SVIL: variants seen among roughly 807,000 people sequenced by gnomAD.
SVIL encodes archvillin.
SVIL carries 101 observed loss-of-function variants against 240.4 expected under a neutral mutation model. The observed-to-expected ratio is 0.42, with a 90% CI of 0.36 to 0.50. The LOEUF is 0.50. Ranked by LOEUF, SVIL falls within the 20% of genes least tolerant of loss-of-function variation. The pLI, the probability that SVIL is intolerant of heterozygous loss-of-function variation, is 0.01. For synonymous variants in SVIL, 999 were observed against 1,100.0 expected, an observed-to-expected ratio of 0.91 and a Z score of 1.82; for missense variants, 2,512 against 2,818.7, an observed-to-expected ratio of 0.89 and a Z score of 2.46.
chr10:29,467,711 A>C, intron 33 of SVIL, 31 bp downstream of exon 33: 1 of 1,612,704 alleles, frequency 6.2e-7, no homozygotes, highest in Non-Finnish European at 8.5e-7. Context: ...AAACAAAAAA[A>C]CCAGATCGCA....
intron 1 of SVIL, among the ~76,000 whole-genome samples, chr10:29,628,877 G>A (rs1003752059): frequency 2.6e-5 from 4 of 152,116 alleles, no homozygotes; most frequent in African/African-American, 2.4e-5. Context: ...AAATAAGGCC[G>A]CCAGGAGACC....
rs183299425 is a variant in SVIL at position 29,605,943 on chromosome 10, C to G, written c.-201+28477G>C. 4.6e-5 allele frequency among the ~76,000 whole-genome samples: 7 copies of G among 152,144 alleles called. No homozygotes were observed. The South Asian group carries it at 6.2e-4, about 14-fold the overall frequency. The stretch of plus-strand genomic sequence containing the variant: ...TTATTTATTTTGAGATGGAGTCTTG[C>G]TCTGTCGCCCAGGCTGGAGTGCAGT... On this transcript the variant is annotated intron_variant, in intron 1 of 37. Transcript: ENST00000355867.
At chr10:29,522,362 TA>T in intron 16 of SVIL, 47 bp downstream of exon 16, 1 of 1,594,228 alleles carries the variant, frequency 6.3e-7, no homozygotes, top group African/African-American at 1.3e-5. Flanking sequence ...AAGCAAGCTG[TA>T]AGCTCCTCCC....
chr10:29,636,676 C>T (rs547133134), upstream of SVIL, among the ~76,000 whole-genome samples: 1 of 152,352 alleles, frequency 6.6e-6, no homozygotes, highest in African/African-American at 2.4e-5. Flanking sequence ...ATACTCACTT[C>T]TTTCCAATGA....
chr10:29,467,988 C>T (rs1283753522), intron 32 of SVIL, 113 bp from the exon 33 acceptor site: 1 of 1,190,598 alleles, frequency 8.4e-7, no homozygotes, highest in Non-Finnish European at 1.2e-6. Flanking sequence ...AGATATAATT[C>T]ACATGTCATA....
At chr10:29,629,083 T>C (rs973998495) in intron 1 of SVIL, among the ~76,000 whole-genome samples, 2 of 151,714 alleles carry the variant, frequency 1.3e-5, no homozygotes, top group African/African-American at 4.8e-5. Context: ...GAGGAGTGAG[T>C]GGGCAGGAAA....
At chr10:29,507,171 C>G (rs1247268915) in intron 17 of SVIL, among the ~76,000 whole-genome samples, 1 of 152,042 alleles carries the variant, frequency 6.6e-6, no homozygotes, top group Non-Finnish European at 1.5e-5. Context: ...AATAGGGTCA[C>G]TGGAGGGGCC....
At chr10:29,505,872 G>A (rs551837619) in intron 17 of SVIL, among the ~76,000 whole-genome samples, 9 of 152,134 alleles carry the variant, frequency 5.9e-5, no homozygotes, top group East Asian at 1.9e-4. Flanking sequence ...GTCCCTCAGC[G>A]TCTATGGGGG....
chr10:29,654,905 A>G (rs1376129520), intron 3 of SVIL, among the ~76,000 whole-genome samples: 1 of 151,900 alleles, frequency 6.6e-6, no homozygotes, highest in African/African-American at 2.4e-5. Flanking sequence ...TCCAGCAAAG[A>G]CCTTTCCCCT....
chr10:29,596,915 T>C (rs527256183), intron 1 of SVIL, among the ~76,000 whole-genome samples: 2 of 152,332 alleles, frequency 1.3e-5, no homozygotes, highest in East Asian at 1.9e-4. Context: ...GTTAAGTGTA[T>C]GCTGTCTCCA....
chr10:29,465,011 C>A (rs953676232), intron 34 of SVIL, among the ~76,000 whole-genome samples: 2 of 152,224 alleles, frequency 1.3e-5, no homozygotes, highest in African/African-American at 4.8e-5. Flanking sequence ...CCCTGGCTAA[C>A]TTAGCCAATA....
At chr10:29,474,018 GT>G (rs1945886254) in intron 29 of SVIL, 29 bp from the exon 30 acceptor site, 2 of 1,606,506 alleles carry the variant, frequency 1.2e-6, no homozygotes, top group Non-Finnish European at 1.7e-6. Flanking sequence ...AGAGGGACAG[GT>G]CAGCAGCTGA....
At chr10:29,600,792 C>T (rs552337035) in intron 1 of SVIL, among the ~76,000 whole-genome samples, 3 of 152,088 alleles carry the variant, frequency 2.0e-5, no homozygotes, top group Non-Finnish European at 4.4e-5. Flanking sequence ...GGAGAAGGAC[C>T]GAAAGACTGT....
At position 29,527,072 on chromosome 10, in the gene SVIL, C is replaced by A. The variant is rs746830394; in HGVS notation, c.2247-16G>T. On this transcript the variant is annotated splice_polypyrimidine_tract_variant and intron_variant, in intron 12 of 37. Coordinates refer to ENST00000355867, the MANE Select transcript of SVIL (RefSeq NM_021738.3). The stretch of plus-strand genomic sequence containing the variant: ...GATAGGTTCACTTTAAAAGCAATTG[C>A]CAAAGAGGAAACATTCATAAGGAGA... 6.2e-7 allele frequency: 1 copy of A among 1,605,116 alleles called. No individual in the cohort carries two copies. Among genetic ancestry groups the A allele is most frequent in the South Asian group, 1.1e-5 (1 of 90,544 alleles).
At chr10:29,506,863 AG>A (rs1051041420) in intron 17 of SVIL, among the ~76,000 whole-genome samples, 2 of 151,786 alleles carry the variant, frequency 1.3e-5, no homozygotes, top group African/African-American at 4.9e-5. Flanking sequence ...AGGCCCTAGG[AG>A]GGAAGTGATG....
At chr10:29,687,834 C>T (rs979514237) in intron 1 of SVIL, among the ~76,000 whole-genome samples, 4 of 152,192 alleles carry the variant, frequency 2.6e-5, no homozygotes, top group African/African-American at 9.7e-5. Flanking sequence ...TGTTTTTCCC[C>T]TGGATTATGC....
intron 3 of SVIL, among the ~76,000 whole-genome samples, chr10:29,655,913 C>G (rs1452345509): frequency 7.1e-6 from 1 of 141,800 alleles, no homozygotes; most frequent in Admixed American, 7.3e-5. Context: ...GAGTTTTGCT[C>G]TGTCACTGGA....
chr10:29,543,466 A>G (rs1207382526), intron 6 of SVIL, among the ~76,000 whole-genome samples: 2 of 152,220 alleles, frequency 1.3e-5, no homozygotes, highest in African/African-American at 4.8e-5. Context: ...CTTGCTGTCA[A>G]CTAAAACCCT....
Position 29,458,071 on chromosome 10 carries a change from G to T in SVIL, c.*176C>A. ...AAAGAAGTTTCCAAACAGTTCCCTT[G>T]AACATTTACAAAATACACAACTCCG... On this transcript the variant is annotated 3_prime_UTR_variant, in exon 38 of 38. Coordinates refer to ENST00000355867, the MANE Select transcript of SVIL (RefSeq NM_021738.3). 1 of 634,538 alleles carries T rather than the reference G, an allele frequency of 1.6e-6. No homozygotes were observed. The highest frequency in any genetic ancestry group is 2.6e-6 in the Non-Finnish European group (1 of 378,356). The allele number at this position is 634,538 out of a possible 1,614,324, so 39.3% of individuals were successfully genotyped here. A position where few individuals can be genotyped will look rare whatever the true frequency, so the allele number is the denominator to read the frequency against.
Sources: gnomAD v4.1 joint callset for allele counts (sites outside exome capture counted in the v4.1 genomes callset) on GRCh38, gnomAD v4.1.1 for gene constraint, MANE v1.5 for transcripts, NCBI Gene and HGNC (gene_info 2026-07-23, HGNC 2026-07-21) for gene names.